The following SH2D7 variants were observed in gnomAD, a reference collection of about 807,000 sequenced individuals.
The protein encoded by SH2D7 is SH2 domain containing 7, also known as SH2 domain-containing protein 7.
A neutral mutation model predicts 40.8 loss-of-function variants in SH2D7; 32 were observed. That is an observed-to-expected ratio of 0.78 (90% CI 0.59 to 1.05). The LOEUF (loss-of-function observed/expected upper bound fraction) is 1.05. SH2D7 is among the 50% of genes least tolerant of loss of function. The pLI, the probability that SH2D7 is intolerant of heterozygous loss-of-function variation, is 0.00. For synonymous variants in SH2D7, 195 were observed against 221.5 expected (o/e 0.88, Z 1.06); for missense variants, 559 against 566.6 (o/e 0.99, Z 0.14).
In SH2D7 at chr15:78,103,525, A is replaced by G; in HGVS notation, c.*10A>G. 6.4e-7 allele frequency: 1 copy of G among 1,561,542 alleles called. No homozygotes were observed. The highest frequency in any genetic ancestry group is 2.4e-5 in the East Asian group (1 of 41,906). ...GAAGCACAAATTCTGAGGGCCTGGC[A>G]TCCGGCAGCCCACCAGTGGGTTTCC... is the stretch of plus-strand genomic sequence containing the variant. On this transcript the variant is annotated 3_prime_UTR_variant, in exon 6 of 6. Coordinates refer to ENST00000328828, the MANE Select transcript of SH2D7 (RefSeq NM_001101404.2).
chr15:78,097,174 T>C (rs1181007731), intron 2 of SH2D7, among the ~76,000 whole-genome samples: 1 of 152,254 alleles, frequency 6.6e-6, no homozygotes, highest in African/African-American at 2.4e-5. Context: ...GACTAATCTA[T>C]GCTGATAGGC....
rs1187221923 is a variant in SH2D7 at position 78,103,997 on chromosome 15, G to C, written c.*482G>C. 6.5e-6 allele frequency: 1 copy of C among 153,138 alleles called. No homozygotes were observed. Among genetic ancestry groups the C allele is most frequent in the East Asian group, 1.9e-4 (1 of 5,200 alleles). The allele number at this position is 153,138 out of a possible 1,614,324, so 9.5% of individuals were successfully genotyped here. A position where few individuals can be genotyped will look rare whatever the true frequency, so the allele number is the denominator to read the frequency against. The stretch of plus-strand genomic sequence containing the variant: ...CTTGCGGCCCCATCAGCGAAAAGGA[G>C]GGGAGGGCCAGAAGCCACATCCTCT... On this transcript the variant is annotated 3_prime_UTR_variant, in exon 6 of 6. Coordinates refer to ENST00000328828, the MANE Select transcript of SH2D7 (RefSeq NM_001101404.2).
rs1207914506 is a variant in SH2D7, at chr15:78,101,044, A to T, written c.791A>T (p.His264Leu). The T allele has an allele frequency of 2.5e-6, 4 of 1,609,842 alleles. No homozygotes were observed. Among genetic ancestry groups the T allele is most frequent in the Non-Finnish European group, 2.5e-6 (3 of 1,178,170 alleles). ...TTGGGCACAGAGGGGTCCGGCAGGCATGGGCCAGTTCCAGCTGGCAGCCAG... is the reference window on the plus strand; with the variant it reads ...TTGGGCACAGAGGGGTCCGGCAGGCTTGGGCCAGTTCCAGCTGGCAGCCAG... ...LGLGTEGSGR[H>L]GPVPAGSQAY... The change falls in exon 5 of 6, where the codon CAT becomes CTT. Residue 264 changes from histidine to leucine, a missense_variant. Coordinates refer to ENST00000328828, the MANE Select transcript of SH2D7 (RefSeq NM_001101404.2).
chr15:78,092,796 C>T, intron 1 of SH2D7, 36 bp downstream of exon 1: 1 of 1,579,752 alleles, frequency 6.3e-7, no homozygotes, highest in Non-Finnish European at 8.6e-7. Flanking sequence ...CCTCATAGCC[C>T]ACAGCCCCTT....
chr15:78,102,989 T>G (rs576412766), intron 5 of SH2D7, among the ~76,000 whole-genome samples: 23 of 152,228 alleles, frequency 1.5e-4, no homozygotes, highest in African/African-American at 5.5e-4. Flanking sequence ...TAGCAGCCTT[T>G]GAGATCCTCA....
chr15:78,097,992 A>C lies in SH2D7; in HGVS notation c.330A>C (p.Ser110=), dbSNP rs2073984516. ...NQLRNRRYII[S]GDTQSHSTLA... ...TTCGAAACCGGCGTTACATCATCTC[A>C]GGAGACACCCAGAGCCACAGCACCC... Residue 110 remains serine, a synonymous_variant, in exon 3 of 6, where the codon TCA becomes TCC. Coordinates refer to ENST00000328828, the MANE Select transcript of SH2D7 (RefSeq NM_001101404.2). The C allele has an allele frequency of 6.2e-7, 1 of 1,613,982 alleles. No individual in the cohort carries two copies. The highest frequency in any genetic ancestry group is 8.5e-7 in the Non-Finnish European group (1 of 1,179,874).
intron 4 of SH2D7, 106 bp downstream of exon 4, chr15:78,098,702 G>A (rs1427860964): frequency 3.0e-6 from 4 of 1,325,730 alleles, no homozygotes; most frequent in East Asian, 2.5e-5. Context: ...CCCTCCGGCT[G>A]TGGAGGGTGA....
In SH2D7 at chr15:78,092,680, G is replaced by A; in HGVS notation, c.96G>A (p.Lys32=). 2 of 1,589,246 alleles carry A rather than the reference G, an allele frequency of 1.3e-6. No homozygotes were observed. Among genetic ancestry groups the A allele is most frequent in the East Asian group, 4.6e-5 (2 of 43,670 alleles). The stretch of plus-strand genomic sequence containing the variant: ...CTGAGCTCCAGGAGCTTGCCCTGAA[G>A]TGGTTCATGGAGACACAGGCCCCCT... The part of the protein sequence containing the change: ...ALAELQELAL[K]WFMETQAPFI... Residue 32 remains lysine, a synonymous_variant, in exon 1 of 6, where the codon AAG becomes AAA. Transcript: ENST00000328828.
At position 78,103,890 on chromosome 15, in the gene SH2D7, G is replaced by C. The variant is rs1269591526; in HGVS notation, c.*375G>C. 1 of 215,772 alleles carries C rather than the reference G, an allele frequency of 4.6e-6. No homozygotes were observed. Among genetic ancestry groups the C allele is most frequent in the Non-Finnish European group, 9.3e-6 (1 of 107,368 alleles). The allele number at this position is 215,772 out of a possible 1,614,324, so 13.4% of individuals were successfully genotyped here. ...CTGAGCACTTACCGAATGTGTGGCA[G>C]GCTGTGTGCTAGCACAGACACCTTT... On this transcript the variant is annotated 3_prime_UTR_variant, in exon 6 of 6. Transcript: ENST00000328828.
intron 4 of SH2D7, among the ~76,000 whole-genome samples, chr15:78,099,220 T>C (rs2073996320): frequency 6.6e-6 from 1 of 152,174 alleles, no homozygotes; most frequent in African/African-American, 2.4e-5. Context: ...TTTCAACATA[T>C]TGGCCAGGCT....
At chr15:78,098,932 C>G (rs554038697) in intron 4 of SH2D7, among the ~76,000 whole-genome samples, 153 of 152,256 alleles carry the variant, frequency 1.0e-3, no homozygotes, top group Non-Finnish European at 1.8e-3. Context: ...CTGAATATCC[C>G]TTAGTAAGCT....
rs1485080743 is a variant in SH2D7, at chr15:78,098,638, C to A, written c.645+42C>A. 7 of 1,584,990 alleles carry A rather than the reference C, an allele frequency of 4.4e-6. No individual in the cohort carries two copies. The African/African-American group carries it at 8.1e-5, about 18-fold the overall frequency. On this transcript the variant is annotated intron_variant, in intron 4 of 5. Coordinates refer to ENST00000328828, the MANE Select transcript of SH2D7 (RefSeq NM_001101404.2). ...GCCACCTAGAGTCAGGGTTGCCAGACCAGGGATGTGGGTGCCATGCTCCCA... is the reference window on the plus strand; with the variant it reads ...GCCACCTAGAGTCAGGGTTGCCAGAACAGGGATGTGGGTGCCATGCTCCCA...
Sources: gnomAD v4.1 joint callset for allele counts (sites outside exome capture counted in the v4.1 genomes callset) on GRCh38, gnomAD v4.1.1 for gene constraint, MANE v1.5 for transcripts, NCBI Gene and HGNC (gene_info 2026-07-23, HGNC 2026-07-21) for gene names.